MTUS1: variants seen among roughly 807,000 people sequenced by gnomAD.
MTUS1 encodes the protein microtubule associated scaffold protein 1.
In MTUS1, 109 loss-of-function variants were observed where a neutral mutation model predicts 120.8. The observed-to-expected ratio is 0.90, with a 90% CI of 0.77 to 1.06. The LOEUF is 1.06. MTUS1 is among the 50% of genes least tolerant of loss of function. MTUS1 has a pLI of 0.00. For missense variants in MTUS1, 2,210 were observed against 1,486.3 expected, an observed-to-expected ratio of 1.49 and a Z score of -8.01; for synonymous variants, 737 against 550.5, an observed-to-expected ratio of 1.34 and a Z score of -4.74.
At position 17,645,955 on chromosome 8, in the gene MTUS1, A is replaced by C. The variant is rs202148873; in HGVS notation, c.3784T>G (p.Phe1262Val). Reference sequence around the variant, plus strand: ...CTGGGTGAAATGCTGGGGCTAGGGAAGGAGCCCGAATTCCTTGGTGACTGC... The same window carrying C: ...CTGGGTGAAATGCTGGGGCTAGGGACGGAGCCCGAATTCCTTGGTGACTGC... ...PLQSPRNSGS[F>V]PSPSISPR Residue 1262 changes from phenylalanine to valine, a missense_variant, in exon 15 of 15, where the codon TTC becomes GTC. Coordinates refer to ENST00000693296, the MANE Select transcript of MTUS1 (RefSeq NM_001363059.2). 5 of 1,612,488 alleles carry C rather than the reference A, an allele frequency of 3.1e-6. No individual in the cohort carries two copies. In the African/African-American group the frequency reaches 6.7e-5, roughly 22 times the overall value.
At chr8:17,778,223 C>G (rs1293871331) in intron 1 of MTUS1, among the ~76,000 whole-genome samples, 1 of 152,020 alleles carries the variant, frequency 6.6e-6, no homozygotes, top group African/African-American at 2.4e-5. Context: ...ATACACAAAC[C>G]ACACAGATGT....
chr8:17,713,080 A>C (rs1289982362), intron 6 of MTUS1, 134 bp downstream of exon 6: 2 of 740,140 alleles, frequency 2.7e-6, no homozygotes, highest in East Asian at 2.6e-5. Flanking sequence ...GACCCGTCAT[A>C]AAAAGTTAGG....
chr8:17,687,563 C>G (rs1204194412), intron 6 of MTUS1, among the ~76,000 whole-genome samples: 1 of 152,130 alleles, frequency 6.6e-6, no homozygotes, highest in East Asian at 1.9e-4. Context: ...TACCTATTAA[C>G]AGAACATGTT....
intron 8 of MTUS1, among the ~76,000 whole-genome samples, chr8:17,666,933 G>T (rs1260272378): frequency 1.3e-5 from 2 of 152,170 alleles, no homozygotes; most frequent in Non-Finnish European, 2.9e-5. Flanking sequence ...CAGAAGCAAT[G>T]GGCATGAGAA....
intron 1 of MTUS1, among the ~76,000 whole-genome samples, chr8:17,758,908 G>C (rs1210917308): frequency 6.6e-6 from 1 of 152,302 alleles, no homozygotes; most frequent in African/African-American, 2.4e-5. Flanking sequence ...TTGAGACGGA[G>C]TCTGGCACTG....
intron 1 of MTUS1, among the ~76,000 whole-genome samples, chr8:17,784,870 C>T (rs946596960): frequency 5.9e-5 from 9 of 152,100 alleles, no homozygotes; most frequent in East Asian, 1.9e-4. Flanking sequence ...CTGCAACCTC[C>T]GCCTCCCGGC....
At chr8:17,729,303 C>G (rs2046408016) in intron 3 of MTUS1, among the ~76,000 whole-genome samples, 1 of 152,058 alleles carries the variant, frequency 6.6e-6, no homozygotes, top group Non-Finnish European at 1.5e-5. Flanking sequence ...AGGTCCACTT[C>G]CAATTAAGCT....
intron 5 of MTUS1, among the ~76,000 whole-genome samples, 178 bp downstream of exon 5, chr8:17,715,589 C>T (rs1320263868): frequency 6.6e-6 from 1 of 152,196 alleles, no homozygotes; most frequent in Non-Finnish European, 1.5e-5. Flanking sequence ...ACTATAGAAC[C>T]TACCAACTGT....
chr8:17,726,471 T>TCA (rs200389625), intron 3 of MTUS1, among the ~76,000 whole-genome samples: 1,819 of 152,250 alleles, frequency 0.012, 14 homozygotes, highest in South Asian at 0.03. Flanking sequence ...CTGGCAAAGG[T>TCA]CTAGCATGGA....
chr8:17,751,862 TAAAA>T (rs56362055), intron 2 of MTUS1, among the ~76,000 whole-genome samples: 21,290 of 96,214 alleles, frequency 0.22, 2,087 homozygotes, highest in East Asian at 0.4. Context: ...GACTCTGCCT[TAAAA>T]AAAAAAAAAA....
rs1201186172 is a variant in MTUS1, at chr8:17,755,350, T to G, written c.458A>C (p.Asp153Ala). ...AAATGTTTGGTTTAGCTCCAAGGCA[T>G]CACAGTAGCCTGCACAGTTCAAATT... ...NDNLNCAGYC[D>A]ALELNQTFDM... The change falls in exon 2 of 15, where the codon GAT (aspartate) becomes GCT (alanine). Residue 153 changes from aspartate (D) to alanine (A), a missense_variant. Physicochemically the swap from Asp to Ala is moderately radical, Grantham distance 126. Transcript: ENST00000693296. The G allele has an allele frequency of 6.2e-7, 1 of 1,614,072 alleles. No homozygotes were observed. The highest frequency in any genetic ancestry group is 8.5e-7 in the Non-Finnish European group (1 of 1,180,026).
intron 8 of MTUS1, among the ~76,000 whole-genome samples, chr8:17,673,076 C>A (rs1430793781): frequency 2.6e-5 from 4 of 152,106 alleles, no homozygotes; most frequent in Non-Finnish European, 5.9e-5. Context: ...AACTCTGAAA[C>A]ACACACAAAA....
intron 3 of MTUS1, among the ~76,000 whole-genome samples, chr8:17,732,464 G>A (rs1456856963): frequency 2.0e-5 from 3 of 152,124 alleles, no homozygotes; most frequent in Non-Finnish European, 4.4e-5. Context: ...GAGAGTCCAG[G>A]GAGCACCCCA....
At chr8:17,783,119 A>G (rs1234935440) in intron 1 of MTUS1, among the ~76,000 whole-genome samples, 1 of 152,140 alleles carries the variant, frequency 6.6e-6, no homozygotes, top group African/African-American at 2.4e-5. Context: ...TAAGAACGCA[A>G]TGAGGATAAC....
intron 6 of MTUS1, among the ~76,000 whole-genome samples, chr8:17,690,815 G>T (rs569466183): frequency 6.6e-6 from 1 of 152,074 alleles, no homozygotes; most frequent in South Asian, 2.1e-4. Context: ...TTTATAAAAA[G>T]GACCCTCGTG....
chr8:17,697,353 A>C, intron 6 of MTUS1: 1 of 1,614,172 alleles, frequency 6.2e-7, no homozygotes, highest in Non-Finnish European at 8.5e-7. Context: ...ATGGTGGATA[A>C]GGAGAATTTG....
chr8:17,656,058 A>C lies in MTUS1; in HGVS notation c.2913T>G (p.Ala971=), dbSNP rs1808155228. 1.2e-6 allele frequency: 2 copies of C among 1,614,218 alleles called. No individual in the cohort carries two copies. Among genetic ancestry groups the C allele is most frequent in the South Asian group, 2.2e-5 (2 of 91,084 alleles). Reference sequence around the variant, plus strand: ...TTTCTAATTTCTCACAGGTGGTTGAAGCAGTGACTGAAAACAGAGGAGAAA... The same window carrying C: ...TTTCTAATTTCTCACAGGTGGTTGACGCAGTGACTGAAAACAGAGGAGAAA... The part of the protein sequence containing the change: ...LVNLRGELVT[A]STTCEKLEKA... Residue 971 remains alanine (A), a synonymous_variant, in exon 9 of 15, where the codon GCT becomes GCG. Coordinates refer to ENST00000693296, the MANE Select transcript of MTUS1 (RefSeq NM_001363059.2).
intron 7 of MTUS1, among the ~76,000 whole-genome samples, chr8:17,676,865 T>A (rs73666303): frequency 5.9e-5 from 9 of 152,028 alleles, no homozygotes; most frequent in Admixed American, 4.6e-4. Context: ...TTAAATGACA[T>A]TATGAAATGA....
intron 7 of MTUS1, among the ~76,000 whole-genome samples, chr8:17,676,961 A>C (rs1033789431): frequency 2.0e-5 from 3 of 152,182 alleles, no homozygotes; most frequent in African/African-American, 7.2e-5. Context: ...CTCACCTCTC[A>C]GTAAGAGCTA....
Sources: gnomAD v4.1 joint callset for allele counts (sites outside exome capture counted in the v4.1 genomes callset) on GRCh38, gnomAD v4.1.1 for gene constraint, MANE v1.5 for transcripts, NCBI Gene and HGNC (gene_info 2026-07-23, HGNC 2026-07-21) for gene names.